UBE2E2: variants seen among roughly 807,000 people sequenced by gnomAD.
UBE2E2 encodes ubiquitin conjugating enzyme E2 E2.
In UBE2E2, 6 loss-of-function variants were observed where a neutral mutation model predicts 24.7. The ratio of observed to expected loss-of-function variants is 0.24; its 90% CI spans 0.13 to 0.48. UBE2E2 has a LOEUF of 0.48. Among genes scored for constraint, UBE2E2 ranks in the 20% least tolerant of loss-of-function variants. The probability of loss-of-function intolerance (pLI) is 0.99; values close to 1 mark genes in which losing one functional copy is unlikely to be tolerated. For missense variants in UBE2E2, 169 were observed against 245.0 expected, an observed-to-expected ratio of 0.69 and a Z score of 2.07; for synonymous variants, 104 against 83.6, an observed-to-expected ratio of 1.24 and a Z score of -1.33.
At chr3:23,381,916 G>A (rs375522654) in intron 3 of UBE2E2, among the ~76,000 whole-genome samples, 1 of 152,180 alleles carries the variant, frequency 6.6e-6, no homozygotes, top group African/African-American at 2.4e-5. Flanking sequence ...GAAGGTGGGA[G>A]GCGGAATGGC....
chr3:23,523,344 T>G (rs974857959), intron 4 of UBE2E2, among the ~76,000 whole-genome samples: 6 of 152,206 alleles, frequency 3.9e-5, no homozygotes, highest in Admixed American at 3.9e-4. Context: ...AATTTTCTAG[T>G]TGCATGTTTT....
At chr3:23,460,974 G>T (rs1430446778) in intron 3 of UBE2E2, among the ~76,000 whole-genome samples, 1 of 152,114 alleles carries the variant, frequency 6.6e-6, no homozygotes, top group Non-Finnish European at 1.5e-5. Context: ...AACCAGTAAG[G>T]TTTTCTTATT....
At chr3:23,376,505 C>T (rs35975795) in intron 3 of UBE2E2, among the ~76,000 whole-genome samples, 10,984 of 152,162 alleles carry the variant, frequency 0.072, 521 homozygotes, top group Non-Finnish European at 0.088. Flanking sequence ...AAGGCGTTGC[C>T]CAATTAGGAT....
At chr3:23,532,074 AAAG>A in intron 4 of UBE2E2, among the ~76,000 whole-genome samples, 1 of 151,914 alleles carries the variant, frequency 6.6e-6, no homozygotes, top group South Asian at 2.1e-4. Context: ...AAAAAAAAAA[AAAG>A]AAAAAAAAAC....
chr3:23,415,362 A>G (rs1482321798), intron 3 of UBE2E2, among the ~76,000 whole-genome samples: 1 of 152,138 alleles, frequency 6.6e-6, no homozygotes, highest in African/African-American at 2.4e-5. Context: ...CTGTATCAGT[A>G]TTTTTCTTCA....
intron 3 of UBE2E2, among the ~76,000 whole-genome samples, chr3:23,294,221 C>A (rs1028356640): frequency 2.0e-5 from 3 of 152,114 alleles, no homozygotes; most frequent in Non-Finnish European, 4.4e-5. Context: ...AGAACTTTAA[C>A]GTTATTCATA....
At chr3:23,331,836 A>T (rs1052290234) in intron 3 of UBE2E2, among the ~76,000 whole-genome samples, 1 of 152,222 alleles carries the variant, frequency 6.6e-6, no homozygotes, top group Non-Finnish European at 1.5e-5. Flanking sequence ...GAGTAGTCAC[A>T]TGATTTAGCT....
intron 5 of UBE2E2, among the ~76,000 whole-genome samples, chr3:23,571,087 A>G (rs569848204): frequency 7.4e-4 from 112 of 152,152 alleles, no homozygotes; most frequent in African/African-American, 2.6e-3. Flanking sequence ...GTAAGAGCAT[A>G]GAGGGTAATA....
intron 3 of UBE2E2, among the ~76,000 whole-genome samples, chr3:23,475,909 T>G (rs2062001002): frequency 6.6e-6 from 1 of 152,128 alleles, no homozygotes; most frequent in African/African-American, 2.4e-5. Context: ...GAGTACATGT[T>G]CTTACACTAA....
chr3:23,489,414 G>A (rs1024750534), intron 3 of UBE2E2, among the ~76,000 whole-genome samples: 12 of 152,038 alleles, frequency 7.9e-5, no homozygotes, highest in South Asian at 2.1e-4. Context: ...CTTCACATGT[G>A]CACTTCACAG....
chr3:23,398,658 G>A (rs1186724400), intron 3 of UBE2E2, among the ~76,000 whole-genome samples: 1 of 152,132 alleles, frequency 6.6e-6, no homozygotes, highest in Non-Finnish European at 1.5e-5. Context: ...CTTTACTTAG[G>A]TAGTTTTTAC....
chr3:23,351,185 C>A (rs892942385), intron 3 of UBE2E2, among the ~76,000 whole-genome samples: 8 of 152,110 alleles, frequency 5.3e-5, no homozygotes, highest in African/African-American at 1.4e-4. Flanking sequence ...CAAGCAAATG[C>A]TGAGAGATTT....
chr3:23,481,456 C>T (rs530746405), intron 3 of UBE2E2, among the ~76,000 whole-genome samples: 13 of 152,146 alleles, frequency 8.5e-5, no homozygotes, highest in Non-Finnish European at 1.6e-4. Context: ...CTATGTATAT[C>T]GTAGTTGTAC....
intron 3 of UBE2E2, among the ~76,000 whole-genome samples, chr3:23,446,020 C>G (rs1217364878): frequency 2.0e-5 from 3 of 152,000 alleles, no homozygotes; most frequent in Non-Finnish European, 1.5e-5. Flanking sequence ...ATTTCTTAAA[C>G]AGAGAAAAAA....
intron 3 of UBE2E2, among the ~76,000 whole-genome samples, chr3:23,290,862 C>T (rs1698745182): frequency 7.1e-6 from 1 of 141,370 alleles, no homozygotes; most frequent in African/African-American, 2.7e-5. Context: ...CAACATCAGC[C>T]TGGGCAACAT....
chr3:23,442,657 G>A (rs771379791), intron 3 of UBE2E2, among the ~76,000 whole-genome samples: 1 of 152,102 alleles, frequency 6.6e-6, no homozygotes, highest in Non-Finnish European at 1.5e-5. Context: ...ATGTCAGAGC[G>A]TTTTTTAAAA....
At chr3:23,490,882 T>C (rs1363704043) in intron 3 of UBE2E2, among the ~76,000 whole-genome samples, 1 of 152,228 alleles carries the variant, frequency 6.6e-6, no homozygotes, top group African/African-American at 2.4e-5. Flanking sequence ...AAATCATTTT[T>C]TTCATCTTTA....
In UBE2E2 at chr3:23,298,648, A is replaced by G. The variant is rs373646881; in HGVS notation, c.227+81336A>G. ...TCCCAGGGATGAAGCCCACTTGATC[A>G]TGGTGGATAAGCTTTTTGATGTGCT... On this transcript the variant is annotated intron_variant, in intron 3 of 5. Coordinates refer to ENST00000396703, the MANE Select transcript of UBE2E2 (RefSeq NM_152653.4). Among the ~76,000 whole-genome samples, 99 of 151,802 alleles carry G rather than the reference A, an allele frequency of 6.5e-4. 5 individuals carry two copies. The East Asian group carries it at 0.016, about 24-fold the overall frequency.
At chr3:23,211,513 C>G (rs1696324123) in intron 2 of UBE2E2, among the ~76,000 whole-genome samples, 1 of 151,560 alleles carries the variant, frequency 6.6e-6, no homozygotes, top group African/African-American at 2.4e-5. Context: ...GCCTCAGCCT[C>G]CCAAGTAGCT....
Sources: allele counts gnomAD v4.1 joint callset (sites outside exome capture counted in the v4.1 genomes callset), GRCh38; gene constraint gnomAD v4.1.1; transcripts MANE v1.5; gene names NCBI Gene and HGNC (gene_info 2026-07-23, HGNC 2026-07-21).